Variants in PGD observed in about 807,000 individuals in gnomAD.
PGD encodes 6-phosphogluconate dehydrogenase, decarboxylating.
A neutral mutation model predicts 60.4 loss-of-function variants in PGD; 21 were observed. The ratio of observed to expected loss-of-function variants is 0.35; its 90% CI spans 0.25 to 0.50. The LOEUF (loss-of-function observed/expected upper bound fraction) is 0.50, where lower values mean the gene tolerates loss of function less well. Ranked by LOEUF, PGD falls within the 20% of genes least tolerant of loss-of-function variation. The pLI is 0.98. For synonymous variants in PGD, 230 were observed against 235.9 expected, an observed-to-expected ratio of 0.97 and a Z score of 0.23; for missense variants, 477 against 613.1, an observed-to-expected ratio of 0.78 and a Z score of 2.34.
intron 2 of PGD, 153 bp from the exon 3 acceptor site, chr1:10,400,240 A>G: frequency 3.3e-6 from 2 of 603,686 alleles, no homozygotes; most frequent in South Asian, 4.3e-5. Flanking sequence ...ACATAACTTT[A>G]CAGTGAGCCT....
intron 3 of PGD, among the ~76,000 whole-genome samples, chr1:10,402,526 A>C (rs1490984668): frequency 6.6e-6 from 1 of 151,112 alleles, no homozygotes; most frequent in Admixed American, 6.6e-5. Context: ...ATCTCAAAAA[A>C]AATTTTTTTT....
chr1:10,403,210 G>C (rs1246675170), intron 4 of PGD, 74 bp downstream of exon 4: 3 of 1,006,340 alleles, frequency 3.0e-6, no homozygotes, highest in African/African-American at 3.2e-5. Flanking sequence ...TCGCATATGT[G>C]ACAGTAGGGT....
intron 2 of PGD, 66 bp downstream of exon 2, chr1:10,399,770 G>T (rs1639283536): frequency 7.3e-7 from 1 of 1,366,324 alleles, no homozygotes; most frequent in Admixed American, 1.7e-5. Flanking sequence ...CCGGCGATAG[G>T]TTTGGGAGCT....
rs544839121 is a variant in PGD at position 10,412,670 on chromosome 1, G to A, written c.655-392G>A. ...AAGAAAGCAAAGTGCCTGCCCTCCC[G>A]GAGCTGGGAAGACAGACAGAAATAA... On this transcript the variant is annotated intron_variant, in intron 7 of 12. Transcript: ENST00000270776. Among the ~76,000 whole-genome samples, 8 of 152,276 alleles carry A rather than the reference G, an allele frequency of 5.3e-5. 1 individual carries two copies. In the South Asian group the frequency reaches 1.2e-3, roughly 24 times the overall value.
intron 9 of PGD, 123 bp from the exon 10 acceptor site, chr1:10,417,253 A>G: frequency 7.0e-7 from 1 of 1,435,424 alleles, no homozygotes; most frequent in Non-Finnish European, 9.6e-7. Flanking sequence ...ATCTTGACTT[A>G]CAATGTTTTC....
chr1:10,412,948 C>T (rs1225446087), intron 7 of PGD, 114 bp from the exon 8 acceptor site: 12 of 838,090 alleles, frequency 1.4e-5, no homozygotes, highest in Admixed American at 2.3e-5. Flanking sequence ...CAGGCAGACG[C>T]GAGCAGAGCC....
intron 9 of PGD, 83 bp from the exon 10 acceptor site, chr1:10,417,293 C>A: frequency 6.7e-7 from 1 of 1,482,676 alleles, no homozygotes; most frequent in Non-Finnish European, 9.2e-7. Context: ...GGGATCTCCA[C>A]TGCTGATGAG....
intron 5 of PGD, among the ~76,000 whole-genome samples, chr1:10,407,187 C>T (rs1350323195): frequency 6.6e-6 from 1 of 152,186 alleles, no homozygotes; most frequent in Non-Finnish European, 1.5e-5. Flanking sequence ...GTGGCTCACG[C>T]CTATGGTCCC....
In PGD at chr1:10,403,097, C is replaced by A. The variant is rs1226144776; in HGVS notation, c.291C>A (p.Ile97=). The A allele has an allele frequency of 1.9e-6, 3 of 1,610,536 alleles. No homozygotes were observed. The African/African-American group carries it at 4.0e-5, about 22-fold the overall frequency. ...KLVPLLDTGD[I]IIDGGNSEYR... ...TACCATTGTTGGATACTGGTGACAT[C>A]ATCATTGACGGAGGAAATTCTGAAT... The change falls in exon 4 of 13, where the codon ATC becomes ATA. Residue 97 remains isoleucine, a synonymous_variant. Transcript: ENST00000270776.
chr1:10,403,189 A>C (rs1639343427), intron 4 of PGD, 53 bp downstream of exon 4: 1 of 1,279,448 alleles, frequency 7.8e-7, no homozygotes, highest in South Asian at 1.2e-5. Context: ...TTCTAGAAAA[A>C]AGTGTCAGCA....
Position 10,418,847 on chromosome 1 carries a change from G to A in PGD, c.1131G>A (p.Lys377=). ...TCAGTGTATTCCTAGGAAAGATAAAGGATGCATTTGATCGAAACCCGGAAC... is the reference window on the plus strand; with the variant it reads ...TCAGTGTATTCCTAGGAAAGATAAAAGATGCATTTGATCGAAACCCGGAAC... ...IIRSVFLGKI[K]DAFDRNPELQ... The change falls in exon 11 of 13, where the codon AAG becomes AAA. Residue 377 remains lysine, a synonymous_variant. Coordinates refer to ENST00000270776, the MANE Select transcript of PGD (RefSeq NM_002631.4). The A allele has an allele frequency of 6.2e-7, 1 of 1,602,404 alleles. No individual in the cohort carries two copies. Among genetic ancestry groups the A allele is most frequent in the Non-Finnish European group, 8.5e-7 (1 of 1,169,982 alleles).
At chr1:10,410,424 A>T (rs1639479919) in intron 6 of PGD, among the ~76,000 whole-genome samples, 1 of 151,970 alleles carries the variant, frequency 6.6e-6, no homozygotes, top group Non-Finnish European at 1.5e-5. Flanking sequence ...CCTGGGCGAC[A>T]GAGCGAGACT....
At position 10,419,428 on chromosome 1, in the gene PGD, GC is replaced by G; in HGVS notation, c.1222del (p.Arg408GlyfsTer112). 6.2e-7 allele frequency: 1 copy of G among 1,613,620 alleles called. No homozygotes were observed. The highest frequency in any genetic ancestry group is 8.5e-7 in the Non-Finnish European group (1 of 1,179,916). ...AVENCQDSWR[R>X]AVSTGVQAGI... is the part of the protein sequence containing the mutation. ...CGTTTTGTGCTCAGGACTCCTGGCG[GC>G]GGGCAGTCAGCACTGGGGTCCAGGC... On this transcript the variant is annotated frameshift_variant, in exon 12 of 13. Coordinates refer to ENST00000270776, the MANE Select transcript of PGD (RefSeq NM_002631.4). LOFTEE classifies it high-confidence loss of function.
At chr1:10,405,698 T>A (rs964650905) in intron 5 of PGD, among the ~76,000 whole-genome samples, 1 of 151,572 alleles carries the variant, frequency 6.6e-6, no homozygotes, top group Non-Finnish European at 1.5e-5. Flanking sequence ...TAGCCGGGCA[T>A]GGTGGAGGGC....
chr1:10,399,142 G>T lies in PGD; in HGVS notation c.8+17G>T. 5 of 1,608,454 alleles carry T rather than the reference G, an allele frequency of 3.1e-6. No individual in the cohort carries two copies. The highest frequency in any genetic ancestry group is 4.2e-6 in the Non-Finnish European group (5 of 1,179,514). ...CATGGCCCAGTGAGTGACTCGCCAG[G>T]GGCAGCCCGGCTCGGCCTCAGCGGG... On this transcript the variant is annotated intron_variant, in intron 1 of 12. Coordinates refer to ENST00000270776, the MANE Select transcript of PGD (RefSeq NM_002631.4).
chr1:10,411,646 C>T (rs1639502847), intron 7 of PGD, 94 bp downstream of exon 7: 2 of 1,462,682 alleles, frequency 1.4e-6, no homozygotes, highest in South Asian at 2.4e-5. Context: ...TCCCCTTGGC[C>T]ATTCGGGTGG....
chr1:10,399,411 G>A (rs1639270762), intron 1 of PGD: 1 of 465,652 alleles, frequency 2.1e-6, no homozygotes, highest in Admixed American at 4.5e-5. Context: ...ACACCTGCGG[G>A]ACGCGTGCCA....
At chr1:10,404,029 G>T in intron 4 of PGD, 132 bp from the exon 5 acceptor site, 1 of 674,822 alleles carries the variant, frequency 1.5e-6, no homozygotes, top group East Asian at 2.7e-5. Flanking sequence ...GTCATTTCCT[G>T]TAAATGTAGG....
chr1:10,399,080 G>C lies in PGD; in HGVS notation c.-38G>C. On this transcript the variant is annotated 5_prime_UTR_variant, in exon 1 of 13. Coordinates refer to ENST00000270776, the MANE Select transcript of PGD (RefSeq NM_002631.4). ...CGGGTCTTTCCCTCACTCGTCCTCC[G>C]CGCGTCGCCGCTCTTCGGTTCTGCT... 1 of 1,608,734 alleles carries C rather than the reference G, an allele frequency of 6.2e-7. No individual in the cohort carries two copies. Among genetic ancestry groups the C allele is most frequent in the Non-Finnish European group, 8.5e-7 (1 of 1,179,472 alleles).
Sources: gnomAD v4.1 joint callset for allele counts (sites outside exome capture counted in the v4.1 genomes callset) on GRCh38, gnomAD v4.1.1 for gene constraint, MANE v1.5 for transcripts, NCBI Gene and HGNC (gene_info 2026-07-23, HGNC 2026-07-21) for gene names.